Variants in SLC39A11 observed in about 807,000 individuals in gnomAD.
The protein encoded by SLC39A11 is solute carrier family 39 member 11.
Under a neutral mutation model 36.1 loss-of-function variants are expected in SLC39A11, and 33 were observed. That is an observed-to-expected ratio of 0.91 (90% confidence interval 0.69 to 1.22). SLC39A11 has a LOEUF of 1.22. Among genes scored for constraint, SLC39A11 ranks in the 50% most tolerant of loss-of-function variants. The pLI, the probability that SLC39A11 is intolerant of heterozygous loss-of-function variation, is 0.00. For missense variants in SLC39A11, 432 were observed against 430.3 expected (o/e 1.00, Z -0.03); for synonymous variants, 166 against 170.3 (o/e 0.97, Z 0.20).
intron 6 of SLC39A11, among the ~76,000 whole-genome samples, chr17:72,840,985 A>T (rs904689823): frequency 6.7e-6 from 1 of 148,248 alleles, no homozygotes; most frequent in Non-Finnish European, 1.5e-5. Flanking sequence ...AACCTGGGAG[A>T]CGGAGCTTGC....
intron 7 of SLC39A11, among the ~76,000 whole-genome samples, chr17:72,718,261 C>T (rs1435201838): frequency 1.3e-5 from 2 of 151,972 alleles, no homozygotes; most frequent in African/African-American, 4.8e-5. Context: ...CTGGTGAAAC[C>T]CCGCCTCTAC....
intron 3 of SLC39A11, among the ~76,000 whole-genome samples, chr17:73,046,905 C>T (rs1346437406): frequency 6.6e-6 from 1 of 152,106 alleles, no homozygotes; most frequent in Non-Finnish European, 1.5e-5. Context: ...CTCATCACTG[C>T]ACTCCAGCCT....
At chr17:72,688,513 G>A (rs1448924274) in intron 7 of SLC39A11, among the ~76,000 whole-genome samples, 1 of 152,214 alleles carries the variant, frequency 6.6e-6, no homozygotes, top group Non-Finnish European at 1.5e-5. Context: ...TCCTCTGAGC[G>A]ATCCTCTTCA....
intron 4 of SLC39A11, among the ~76,000 whole-genome samples, chr17:73,030,237 A>G (rs377028445): frequency 1.3e-5 from 2 of 152,148 alleles, no homozygotes; most frequent in African/African-American, 2.4e-5. Context: ...CAAGCCATTG[A>G]CCAGTAGCGG....
chr17:72,838,644 C>G (rs1001395720), intron 6 of SLC39A11, among the ~76,000 whole-genome samples: 1 of 152,160 alleles, frequency 6.6e-6, no homozygotes. Context: ...GACAGACCTC[C>G]TAACTACCAG....
chr17:73,020,740 T>C (rs1598884190), intron 4 of SLC39A11, among the ~76,000 whole-genome samples: 1 of 137,468 alleles, frequency 7.3e-6, no homozygotes, highest in East Asian at 2.4e-4. Context: ...CTGGAGTCAG[T>C]GGTGCAATCT....
intron 3 of SLC39A11, among the ~76,000 whole-genome samples, chr17:73,066,936 G>C (rs2060013906): frequency 6.6e-6 from 1 of 152,132 alleles, no homozygotes; most frequent in Non-Finnish European, 1.5e-5. Flanking sequence ...GAGACTAAGG[G>C]ACTTATTTTT....
rs535873486 is a variant in SLC39A11 at position 72,820,021 on chromosome 17, A to G, written c.601+29613T>C. 2.0e-5 allele frequency among the ~76,000 whole-genome samples: 3 copies of G among 151,364 alleles called. No homozygotes were observed. The South Asian group carries it at 6.4e-4, about 32-fold the overall frequency. ...GGACTCTAGGGAAGGCAGGTGAGAC[A>G]TCAGCACAGGCACAAAGGCTTCCTT... On this transcript the variant is annotated intron_variant, in intron 6 of 9. Coordinates refer to ENST00000255559, the MANE Select transcript of SLC39A11 (RefSeq NM_139177.4).
intron 7 of SLC39A11, among the ~76,000 whole-genome samples, chr17:72,677,514 C>A (rs2071322670): frequency 2.0e-5 from 3 of 152,168 alleles, no homozygotes; most frequent in Admixed American, 2.0e-4. Context: ...GTAACCTGAA[C>A]TGAGCAAATT....
intron 4 of SLC39A11, among the ~76,000 whole-genome samples, chr17:72,949,758 C>G (rs539781062): frequency 2.2e-4 from 34 of 152,026 alleles, no homozygotes; most frequent in African/African-American, 8.2e-4. Context: ...TTTCAGGCCA[C>G]AGCACCAAGC....
At chr17:72,731,836 C>T (rs2713998) in intron 7 of SLC39A11, among the ~76,000 whole-genome samples, 54,591 of 151,086 alleles carry the variant, frequency 0.36, 10,958 homozygotes, top group Middle Eastern at 0.51. Flanking sequence ...AAGAGATTCT[C>T]CTGCCTCAGC....
intron 3 of SLC39A11, among the ~76,000 whole-genome samples, chr17:73,053,423 CA>C (rs1281284328): frequency 6.6e-6 from 1 of 152,112 alleles, no homozygotes; most frequent in East Asian, 1.9e-4. Flanking sequence ...ACATCAAACC[CA>C]AACAGCTCAT....
At chr17:72,871,763 G>A (rs2080641987) in intron 5 of SLC39A11, among the ~76,000 whole-genome samples, 1 of 152,142 alleles carries the variant, frequency 6.6e-6, no homozygotes, top group South Asian at 2.1e-4. Context: ...TAAGTAAATT[G>A]TTTTCCTGAG....
intron 4 of SLC39A11, among the ~76,000 whole-genome samples, chr17:73,003,811 T>A (rs1432449966): frequency 1.3e-5 from 2 of 152,018 alleles, no homozygotes; most frequent in South Asian, 4.2e-4. Flanking sequence ...ACAGGCCAGG[T>A]ACGGTGGCTC....
At chr17:72,648,349 A>AAAAAC (rs10587063) in intron 9 of SLC39A11, among the ~76,000 whole-genome samples, 2 of 144,458 alleles carry the variant, frequency 1.4e-5, no homozygotes, top group Admixed American at 7.0e-5. Flanking sequence ...AAAAAAAAAG[A>AAAAAC]AAAACAAAAC....
chr17:72,927,809 CACACACACACACATACACACACACACT>C (rs2084138430), intron 5 of SLC39A11, among the ~76,000 whole-genome samples: 1 of 151,024 alleles, frequency 6.6e-6, no homozygotes, highest in Admixed American at 6.6e-5. Flanking sequence ...GAAATGTATA[CACACACACACACATACACACACACACT>C]ACACACACAC....
chr17:72,697,232 G>A (rs1365876341), intron 7 of SLC39A11, among the ~76,000 whole-genome samples: 1 of 152,064 alleles, frequency 6.6e-6, no homozygotes, highest in African/African-American at 2.4e-5. Flanking sequence ...ACAAGTGCAC[G>A]CCACCACTTC....
intron 6 of SLC39A11, among the ~76,000 whole-genome samples, chr17:72,839,884 C>A (rs183732057): frequency 1.3e-5 from 2 of 152,170 alleles, no homozygotes; most frequent in Non-Finnish European, 2.9e-5. Context: ...GGAGTGAGAA[C>A]CACGCCAACG....
chr17:72,725,325 C>G (rs1368108055), intron 7 of SLC39A11, among the ~76,000 whole-genome samples: 1 of 152,114 alleles, frequency 6.6e-6, no homozygotes, highest in African/African-American at 2.4e-5. Context: ...ATTTCTACCC[C>G]TCTACGTAGG....
Sources: allele counts gnomAD v4.1 joint callset (sites outside exome capture counted in the v4.1 genomes callset), GRCh38; gene constraint gnomAD v4.1.1; transcripts MANE v1.5; gene names NCBI Gene and HGNC (gene_info 2026-07-23, HGNC 2026-07-21).